The following GABRB3 variants were observed in gnomAD, a reference collection of about 807,000 sequenced individuals.
The protein encoded by GABRB3 is gamma-aminobutyric acid receptor subunit beta-3.
GABRB3 carries 14 observed loss-of-function variants against 52.1 expected under a neutral mutation model. The ratio of observed to expected loss-of-function variants is 0.27; its 90% CI spans 0.18 to 0.42. The LOEUF (loss-of-function observed/expected upper bound fraction) is 0.42, where lower values mean the gene tolerates loss of function less well. GABRB3 is among the 10% of genes least tolerant of loss of function. The pLI is 1.00. For missense variants in GABRB3, 307 were observed against 609.1 expected (o/e 0.50, Z 5.22); for synonymous variants, 260 against 232.3 (o/e 1.12, Z -1.08).
chr15:26,653,389 T>C (rs1028812174), intron 3 of GABRB3, among the ~76,000 whole-genome samples: 1 of 152,172 alleles, frequency 6.6e-6, no homozygotes, highest in African/African-American at 2.4e-5. Context: ...TCCATACCAG[T>C]AAACTGAGTC....
intron 4 of GABRB3, among the ~76,000 whole-genome samples, chr15:26,596,539 C>A (rs1891401686): frequency 6.6e-6 from 1 of 151,958 alleles, no homozygotes; most frequent in Non-Finnish European, 1.5e-5. Context: ...AACATTCCCC[C>A]CAAAAATATT....
chr15:26,734,029 T>C (rs1431813718), intron 3 of GABRB3, among the ~76,000 whole-genome samples: 1 of 144,710 alleles, frequency 6.9e-6, no homozygotes, highest in East Asian at 2.0e-4. Context: ...AGGGCTTTTT[T>C]TTTTTTTTTT....
chr15:26,681,379 C>G (rs1042154456), intron 3 of GABRB3, among the ~76,000 whole-genome samples: 2 of 152,124 alleles, frequency 1.3e-5, no homozygotes, highest in Non-Finnish European at 2.9e-5. Context: ...TCTGCCCCCC[C>G]GTATGGGAAA....
intron 3 of GABRB3, among the ~76,000 whole-genome samples, chr15:26,731,163 A>T: frequency 6.6e-6 from 1 of 152,328 alleles, no homozygotes; most frequent in Non-Finnish European, 1.5e-5. Context: ...GTTCTGTTTT[A>T]AAAATGAGAT....
intron 4 of GABRB3, chr15:26,612,441 C>G (rs924077219): frequency 6.6e-6 from 1 of 152,112 alleles, no homozygotes; most frequent in Non-Finnish European, 1.5e-5. Context: ...TGACCATGAG[C>G]CTTCCCACAT....
chr15:26,662,310 G>C (rs1887577405), intron 3 of GABRB3, among the ~76,000 whole-genome samples: 1 of 152,164 alleles, frequency 6.6e-6, no homozygotes, highest in African/African-American at 2.4e-5. Flanking sequence ...ACCCTGACAG[G>C]ATATAAAGGG....
At chr15:26,764,425 G>A (rs774845518) in intron 3 of GABRB3, among the ~76,000 whole-genome samples, 11 of 151,806 alleles carry the variant, frequency 7.2e-5, no homozygotes, top group Non-Finnish European at 1.6e-4. Flanking sequence ...TGAAATGTTA[G>A]TACCGCACAT....
At chr15:26,570,585 TTATTTTCCACCATGTTTCTGCATTAAGTA>T in intron 6 of GABRB3, among the ~76,000 whole-genome samples, 1 of 152,234 alleles carries the variant, frequency 6.6e-6, no homozygotes, top group Non-Finnish European at 1.5e-5. Flanking sequence ...AACTTCAGTT[TTATTTTCCACCATGTTTCTGCATTAAGTA>T]TAACATTTTT....
intron 3 of GABRB3, among the ~76,000 whole-genome samples, chr15:26,703,697 G>A (rs1236107096): frequency 6.6e-6 from 1 of 152,224 alleles, no homozygotes; most frequent in Non-Finnish European, 1.5e-5. Flanking sequence ...GGAGGGCCAG[G>A]CATAGGATAG....
rs560827836 is a variant in GABRB3, at chr15:26,691,072, T to C, written c.241-69538A>G. Among the ~76,000 whole-genome samples, 6 of 151,750 alleles carry C rather than the reference T, an allele frequency of 4.0e-5. No individual in the cohort carries two copies. In the South Asian group the frequency reaches 1.3e-3, roughly 32 times the overall value. On this transcript the variant is annotated intron_variant, in intron 3 of 8. Coordinates refer to ENST00000311550, the MANE Select transcript of GABRB3 (RefSeq NM_000814.6). Reference sequence around the variant, plus strand: ...TTATTCCCTCCTCTCCCTCCCCTTCTTTTTTCTTCAGGATTCTTTTAGCAC... The same window carrying C: ...TTATTCCCTCCTCTCCCTCCCCTTCCTTTTTCTTCAGGATTCTTTTAGCAC...
chr15:26,773,039 CT>C lies in GABRB3; in HGVS notation c.-78del. On this transcript the variant is annotated 5_prime_UTR_variant, in exon 1 of 9. Coordinates refer to ENST00000311550, the MANE Select transcript of GABRB3 (RefSeq NM_000814.6). ...CCCGCAGCCGGGGCTGCTCCTGCTG[CT>C]GCCGCCGCCGCCGCCGCCGCCGCGC... 1 of 1,015,998 alleles carries C rather than the reference CT, an allele frequency of 9.8e-7. No homozygotes were observed. The allele number at this position is 1,015,998 out of a possible 1,614,324, so 62.9% of individuals were successfully genotyped here.
intron 8 of GABRB3, among the ~76,000 whole-genome samples, chr15:26,554,021 T>TTTTA (rs1555400756): frequency 4.2e-5 from 1 of 23,684 alleles, no homozygotes; most frequent in African/African-American, 1.8e-4. Context: ...ACCTGACTAT[T>TTTTA]TATATATATA....
intron 3 of GABRB3, among the ~76,000 whole-genome samples, chr15:26,722,746 T>C (rs1430141953): frequency 6.6e-6 from 1 of 152,168 alleles, no homozygotes; most frequent in Non-Finnish European, 1.5e-5. Context: ...CAGGGTTTTC[T>C]GACTCCTCCC....
intron 4 of GABRB3, among the ~76,000 whole-genome samples, chr15:26,606,804 C>CGATAGATAGATCTATCTATCGATAGA (rs200249563): frequency 1.1e-3 from 45 of 42,792 alleles, no homozygotes; most frequent in Non-Finnish European, 2.2e-3. Flanking sequence ...ATAGATATAT[C>CGATAGATAGATCTATCTATCGATAGA]TATAGATAGA....
At chr15:26,668,487 C>T (rs890319) in intron 3 of GABRB3, among the ~76,000 whole-genome samples, 40,305 of 152,006 alleles carry the variant, frequency 0.27, 6,347 homozygotes, top group Admixed American at 0.39. Context: ...TTTTGAGAAC[C>T]CTCAGCCTCA....
chr15:26,728,570 G>A (rs1889831007), intron 3 of GABRB3, among the ~76,000 whole-genome samples: 2 of 152,214 alleles, frequency 1.3e-5, no homozygotes, highest in Admixed American at 1.3e-4. Context: ...TGGATATGGT[G>A]AGCAGGCCAC....
rs1890860729 is a variant in GABRB3, at chr15:26,583,463, T to C, written c.462-49A>G. ...GATATTAAAGAAGGGCTGAGAAATG[T>C]ATCAGGGAGACTCCTCTTAGATAAA... On this transcript the variant is annotated intron_variant, in intron 4 of 8. Coordinates refer to ENST00000311550, the MANE Select transcript of GABRB3 (RefSeq NM_000814.6). 5 of 1,470,560 alleles carry C rather than the reference T, an allele frequency of 3.4e-6. No homozygotes were observed. In the African/African-American group the frequency reaches 5.5e-5, roughly 16 times the overall value. 91.1% of individuals were successfully genotyped at this position (1,470,560 alleles called of 1,614,324 possible).
At chr15:26,692,493 A>G (rs144370419) in intron 3 of GABRB3, among the ~76,000 whole-genome samples, 2 of 152,176 alleles carry the variant, frequency 1.3e-5, no homozygotes, top group African/African-American at 4.8e-5. Context: ...TCCAAAAGTA[A>G]TTTTCTATCC....
chr15:26,629,732 G>A (rs1475144464), intron 3 of GABRB3, among the ~76,000 whole-genome samples: 1 of 152,156 alleles, frequency 6.6e-6, no homozygotes, highest in Non-Finnish European at 1.5e-5. Context: ...GTTGTAATTA[G>A]ATGTAACCTG....
Sources: allele counts gnomAD v4.1 joint callset (sites outside exome capture counted in the v4.1 genomes callset), GRCh38; gene constraint gnomAD v4.1.1; transcripts MANE v1.5; gene names NCBI Gene and HGNC (gene_info 2026-07-23, HGNC 2026-07-21).